Variants in KYNU observed in about 807,000 individuals in gnomAD.
KYNU encodes the protein kynureninase.
Under a neutral mutation model 59.2 loss-of-function variants are expected in KYNU, and 54 were observed. The observed-to-expected ratio is 0.91, with a 90% CI of 0.73 to 1.14. The LOEUF (loss-of-function observed/expected upper bound fraction) is 1.14, where lower values mean the gene tolerates loss of function less well. Ranked by LOEUF, KYNU falls within the 50% of genes most tolerant of loss-of-function variation. KYNU has a pLI of 0.00. For synonymous variants in KYNU, 177 were observed against 192.0 expected, an observed-to-expected ratio of 0.92 and a Z score of 0.65; for missense variants, 567 against 554.4, an observed-to-expected ratio of 1.02 and a Z score of -0.23.
chr2:143,009,740 G>T lies in KYNU; in HGVS notation c.903-19887G>T, dbSNP rs1015873537. ...ATCAAGTGGGCTTCATCCCTGGGAT[G>T]CAAGGCTGGTTCAATATACGCAAAT... On this transcript the variant is annotated intron_variant, in intron 10 of 13. Coordinates refer to ENST00000264170, the MANE Select transcript of KYNU (RefSeq NM_003937.3). Among the ~76,000 whole-genome samples, 72 of 102,396 alleles carry T rather than the reference G, an allele frequency of 7.0e-4. 8 individuals are homozygous for T. The highest frequency in any genetic ancestry group is 3.3e-3 in the African/African-American group (64 of 19,418). The allele number at this position is 102,396 out of a possible 152,430, so 67.2% of individuals were successfully genotyped here.
chr2:142,957,936 C>T (rs1471441245), intron 7 of KYNU: 1 of 483,206 alleles, frequency 2.1e-6, no homozygotes, highest in African/African-American at 2.0e-5. Context: ...ATATGGCAAG[C>T]AAACTATTTT....
chr2:143,029,313 C>T (rs1686670707), intron 10 of KYNU, among the ~76,000 whole-genome samples: 1 of 152,172 alleles, frequency 6.6e-6, no homozygotes, highest in Non-Finnish European at 1.5e-5. Flanking sequence ...TGTCCAGTCA[C>T]AGTGGCTCAT....
intron 1 of KYNU, among the ~76,000 whole-genome samples, chr2:142,878,605 C>A (rs1028745138): frequency 6.6e-6 from 1 of 152,142 alleles, no homozygotes; most frequent in Non-Finnish European, 1.5e-5. Flanking sequence ...AACTACCAGA[C>A]ACTCAGTCAT....
In KYNU at chr2:142,885,343, T is replaced by A. The variant is rs1380465409; in HGVS notation, c.-19-6T>A. ...GGCTAGATTATGTTTTATTATTCTC[T>A]TTCAGTTTTAGAGAACAACTTGTAA... On this transcript the variant is annotated splice_polypyrimidine_tract_variant and splice_region_variant and intron_variant, in intron 1 of 13. Transcript: ENST00000264170. 3 of 1,611,322 alleles carry A rather than the reference T, an allele frequency of 1.9e-6. No homozygotes were observed. Among genetic ancestry groups the A allele is most frequent in the Admixed American group, 3.3e-5 (2 of 59,942 alleles).
intron 9 of KYNU, 62 bp from the exon 10 acceptor site, chr2:142,985,886 C>A: frequency 9.1e-7 from 1 of 1,098,054 alleles, no homozygotes; most frequent in South Asian, 1.3e-5. Flanking sequence ...CAAATGACTA[C>A]ATTGTTTAGT....
At chr2:142,928,824 A>G (rs1428927318) in intron 4 of KYNU, among the ~76,000 whole-genome samples, 4 of 151,976 alleles carry the variant, frequency 2.6e-5, no homozygotes, top group South Asian at 2.1e-4. Context: ...CCTGGCCAAC[A>G]TGGTGAGATC....
At chr2:143,006,180 C>T (rs983681420) in intron 10 of KYNU, among the ~76,000 whole-genome samples, 38 of 151,916 alleles carry the variant, frequency 2.5e-4, no homozygotes, top group Admixed American at 1.0e-3. Flanking sequence ...AGACAGTGGG[C>T]GCAGGCCAGT....
chr2:142,939,858 G>C (rs1005758687), intron 4 of KYNU, among the ~76,000 whole-genome samples: 38 of 152,276 alleles, frequency 2.5e-4, no homozygotes, highest in Non-Finnish European at 4.6e-4. Flanking sequence ...CTCAGTGTAG[G>C]ACTTGAGTGA....
intron 2 of KYNU, among the ~76,000 whole-genome samples, chr2:142,899,466 G>A (rs1216380436): frequency 6.6e-6 from 1 of 152,160 alleles, no homozygotes; most frequent in Non-Finnish European, 1.5e-5. Context: ...AGTCAGCCTA[G>A]AAAATCCAGC....
chr2:142,957,566 CTTTATTA>C, intron 6 of KYNU, 68 bp from the exon 7 acceptor site: 3 of 918,346 alleles, frequency 3.3e-6, no homozygotes, highest in Non-Finnish European at 3.6e-6. Flanking sequence ...CTTATTTTTA[CTTTATTA>C]TTTGTTATTT....
chr2:142,969,326 C>T (rs1225552928), intron 8 of KYNU, among the ~76,000 whole-genome samples: 1 of 152,014 alleles, frequency 6.6e-6, no homozygotes, highest in Non-Finnish European at 1.5e-5. Context: ...GAATTTACAC[C>T]TGTATTTTGA....
chr2:143,039,087 T>G (rs1224467003), intron 12 of KYNU, among the ~76,000 whole-genome samples: 1 of 152,126 alleles, frequency 6.6e-6, no homozygotes, highest in African/African-American at 2.4e-5. Flanking sequence ...CTCATCTTAA[T>G]ATAAGACATC....
intron 10 of KYNU, among the ~76,000 whole-genome samples, chr2:142,993,066 A>G (rs1685448006): frequency 6.6e-6 from 1 of 152,012 alleles, no homozygotes; most frequent in African/African-American, 2.4e-5. Flanking sequence ...GGGGAAACTC[A>G]CAGATACGAA....
At chr2:142,948,289 A>G (rs1683866572) in intron 4 of KYNU, among the ~76,000 whole-genome samples, 2 of 152,172 alleles carry the variant, frequency 1.3e-5, no homozygotes, top group African/African-American at 4.8e-5. Flanking sequence ...GCTTCAAAGA[A>G]TTGAAGAGAA....
At chr2:142,944,926 T>C (rs977030425) in intron 4 of KYNU, among the ~76,000 whole-genome samples, 1 of 152,240 alleles carries the variant, frequency 6.6e-6, no homozygotes, top group Admixed American at 6.5e-5. Context: ...TACTGTAGTC[T>C]ATTAAGTATG....
At chr2:142,927,831 T>C (rs1449387245) in intron 4 of KYNU, 90 bp downstream of exon 4, 3 of 885,380 alleles carry the variant, frequency 3.4e-6, no homozygotes, top group South Asian at 1.4e-5. Context: ...CAAAATCTTA[T>C]TGAAGAACAT....
chr2:143,040,704 T>C, intron 13 of KYNU, 46 bp downstream of exon 13: 5 of 1,239,426 alleles, frequency 4.0e-6, no homozygotes, highest in Non-Finnish European at 5.7e-6. Flanking sequence ...ATGGGCCGCA[T>C]GTTAGGGATA....
Position 143,046,597 on chromosome 2 carries a change from A to G in KYNU, c.*4425A>G, listed in dbSNP as rs1203593857. 2 of 142,316 alleles carry G rather than the reference A, an allele frequency of 1.4e-5. No homozygotes were observed. The highest frequency in any genetic ancestry group is 1.6e-5 in the Non-Finnish European group (1 of 62,286). 8.8% of individuals were successfully genotyped at this position (142,316 alleles called of 1,614,324 possible). ...ATGTAGATATATGAAAGCAATATAT[A>G]TATGGATGTCTTTCTGGGCTATCTG... is the stretch of plus-strand genomic sequence containing the variant. On this transcript the variant is annotated 3_prime_UTR_variant, in exon 14 of 14. Coordinates refer to ENST00000264170, the MANE Select transcript of KYNU (RefSeq NM_003937.3).
chr2:142,954,890 T>G lies in KYNU; in HGVS notation c.435+19T>G, dbSNP rs765590999. The stretch of plus-strand genomic sequence containing the variant: ...TCTAATGGTAAGTTTTCTTTCCCAC[T>G]AATGTTTAGAACACATTCATTTACA... On this transcript the variant is annotated intron_variant, in intron 5 of 13. Coordinates refer to ENST00000264170, the MANE Select transcript of KYNU (RefSeq NM_003937.3). 4.4e-5 allele frequency: 65 copies of G among 1,461,192 alleles called. No individual in the cohort carries two copies. The highest frequency in any genetic ancestry group is 6.1e-5 in the Non-Finnish European group (64 of 1,041,320). 90.5% of individuals were successfully genotyped at this position (1,461,192 alleles called of 1,614,324 possible).
Sources: gnomAD v4.1 joint callset for allele counts (sites outside exome capture counted in the v4.1 genomes callset) on GRCh38, gnomAD v4.1.1 for gene constraint, MANE v1.5 for transcripts, NCBI Gene and HGNC (gene_info 2026-07-23, HGNC 2026-07-21) for gene names.